Variants in EYS observed in about 807,000 individuals in gnomAD.
The protein encoded by EYS is EGF-like photoreceptor maintenance factor, also known as protein eyes shut homolog.
Under a neutral mutation model 282.1 loss-of-function variants are expected in EYS, and 250 were observed. That is an observed-to-expected ratio of 0.89 (90% CI 0.80 to 0.98). EYS has a LOEUF of 0.98. Ranked by LOEUF, EYS falls within the 50% of genes least tolerant of loss-of-function variation. The pLI, the probability that EYS is intolerant of heterozygous loss-of-function variation, is 0.00. For missense variants in EYS, 4,016 were observed against 3,709.0 expected (o/e 1.08, Z -2.15); for synonymous variants, 1,355 against 1,282.9 (o/e 1.06, Z -1.20).
intron 1 of EYS, among the ~76,000 whole-genome samples, chr6:65,669,234 G>A (rs1768300030): frequency 6.6e-6 from 1 of 151,958 alleles, no homozygotes; most frequent in Non-Finnish European, 1.5e-5. Flanking sequence ...ATGAATGTGT[G>A]TGTGGACTCA....
chr6:64,381,189 C>A (rs1472732389), intron 29 of EYS, among the ~76,000 whole-genome samples: 2 of 152,026 alleles, frequency 1.3e-5, no homozygotes, highest in African/African-American at 4.8e-5. Context: ...GTTCTTTATA[C>A]TAACGGTTCT....
intron 28 of EYS, among the ~76,000 whole-genome samples, chr6:64,421,043 C>A (rs538680591): frequency 6.6e-6 from 1 of 152,248 alleles, no homozygotes; most frequent in East Asian, 1.9e-4. Flanking sequence ...TCTGTGGTAC[C>A]AATATACTGT....
chr6:64,710,253 T>C lies in EYS; in HGVS notation c.3444-84008A>G, dbSNP rs567225646. Among the ~76,000 whole-genome samples, 11 of 152,354 alleles carry C rather than the reference T, an allele frequency of 7.2e-5. No individual in the cohort carries two copies. The East Asian group carries it at 1.5e-3, about 21-fold the overall frequency. Reference sequence around the variant, plus strand: ...AATCCATGTCTTCTCATTATGTAGATGGTTTTCCACATGGCATTTCATAGC... The same window carrying C: ...AATCCATGTCTTCTCATTATGTAGACGGTTTTCCACATGGCATTTCATAGC... On this transcript the variant is annotated intron_variant, in intron 22 of 42. Coordinates refer to ENST00000503581, the MANE Select transcript of EYS (RefSeq NM_001142800.2).
At chr6:65,037,279 T>C (rs1772798632) in intron 13 of EYS, among the ~76,000 whole-genome samples, 1 of 151,492 alleles carries the variant, frequency 6.6e-6, no homozygotes, top group Non-Finnish European at 1.5e-5. Flanking sequence ...CAGATGCAAA[T>C]AAGAGAACAT....
At chr6:64,431,478 C>G (rs971310151) in intron 28 of EYS, among the ~76,000 whole-genome samples, 14 of 152,106 alleles carry the variant, frequency 9.2e-5, no homozygotes, top group Non-Finnish European at 1.8e-4. Flanking sequence ...TTAATCCACA[C>G]AGGTAAATCT....
chr6:65,177,567 G>A (rs1425829650), intron 12 of EYS, among the ~76,000 whole-genome samples: 1 of 151,586 alleles, frequency 6.6e-6, no homozygotes, highest in Admixed American at 6.6e-5. Flanking sequence ...TAGCAAGTTT[G>A]TTCTCTTTCC....
At chr6:65,514,735 A>G (rs868698422) in intron 2 of EYS, among the ~76,000 whole-genome samples, 1 of 152,234 alleles carries the variant, frequency 6.6e-6, no homozygotes, top group African/African-American at 2.4e-5. Context: ...CTGGCTAGCC[A>G]TATGTACAAA....
intron 14 of EYS, 32 bp downstream of exon 14, chr6:64,997,550 T>C: frequency 6.5e-7 from 1 of 1,545,298 alleles, no homozygotes; most frequent in Non-Finnish European, 8.8e-7. Flanking sequence ...TTAGTCCACA[T>C]TTAGGTATAT....
rs1414602411 is a variant in EYS at position 64,590,729 on chromosome 6, G to C, written c.5138C>G (p.Pro1713Arg). 3 of 1,550,876 alleles carry C rather than the reference G, an allele frequency of 1.9e-6. No homozygotes were observed. The highest frequency in any genetic ancestry group is 2.6e-6 in the Non-Finnish European group (3 of 1,146,460). Residue 1713 changes from proline to arginine, a missense_variant, in exon 26 of 43, where the codon CCC becomes CGC. Transcript: ENST00000503581. ...KIRQYGITMG[P>R]TEVLNQESLL... ...GCTCTCTTGATTTAGTACCTCAGTG[G>C]GTCCCATAGTTATGCCATATTGTCT...
At chr6:65,381,055 T>A (rs1033774908) in intron 8 of EYS, among the ~76,000 whole-genome samples, 2 of 152,096 alleles carry the variant, frequency 1.3e-5, no homozygotes, top group African/African-American at 4.8e-5. Context: ...GAAGACAGTG[T>A]GGTGATTCCT....
chr6:65,410,684 A>T (rs1377253075), intron 5 of EYS, among the ~76,000 whole-genome samples: 1 of 150,664 alleles, frequency 6.6e-6, no homozygotes, highest in Non-Finnish European at 1.5e-5. Context: ...GCCTATTTCA[A>T]TTAACATGAT....
intron 29 of EYS, among the ~76,000 whole-genome samples, chr6:64,347,980 T>G (rs1771475378): frequency 6.6e-6 from 1 of 151,532 alleles, no homozygotes; most frequent in Admixed American, 6.6e-5. Context: ...TACACATTTT[T>G]GTATTAAAGA....
At chr6:65,510,450 C>T (rs1454417226) in intron 2 of EYS, among the ~76,000 whole-genome samples, 2 of 151,994 alleles carry the variant, frequency 1.3e-5, no homozygotes, top group African/African-American at 4.8e-5. Context: ...CAATAGGTCT[C>T]TCAGCAAGGT....
intron 5 of EYS, among the ~76,000 whole-genome samples, chr6:65,428,909 G>T (rs955945461): frequency 6.6e-6 from 1 of 151,970 alleles, no homozygotes; most frequent in African/African-American, 2.4e-5. Context: ...TGAGCCGGGC[G>T]TGGTGGCTCA....
chr6:63,951,581 C>A (rs538361867), intron 35 of EYS, among the ~76,000 whole-genome samples: 14 of 152,038 alleles, frequency 9.2e-5, no homozygotes, highest in African/African-American at 3.4e-4. Context: ...AGGTCACTCC[C>A]CACCAGGCTG....
rs200415103 is a variant in EYS at position 65,619,632 on chromosome 6, C to A, written c.-333+20146G>T. Among the ~76,000 whole-genome samples the A allele has an allele frequency of 4.5e-3, 678 of 150,376 alleles. 18 individuals are homozygous for A. The highest frequency in any genetic ancestry group is 0.035 in the East Asian group (179 of 5,102). Reference sequence around the variant, plus strand: ...AGAGAGGGCATCCCTGTCTTGTGCCCGTTTTCAAAGGGAATGCTTCCAGTT... The same window carrying A: ...AGAGAGGGCATCCCTGTCTTGTGCCAGTTTTCAAAGGGAATGCTTCCAGTT... On this transcript the variant is annotated intron_variant, in intron 2 of 42. Transcript: ENST00000503581.
intron 36 of EYS, among the ~76,000 whole-genome samples, chr6:63,849,036 C>T (rs1049126792): frequency 2.0e-5 from 3 of 152,184 alleles, no homozygotes; most frequent in Non-Finnish European, 2.9e-5. Context: ...CTTGAGTAGG[C>T]GGTTTTCCCC....
At chr6:64,777,914 TATTA>T (rs1282655755) in intron 22 of EYS, among the ~76,000 whole-genome samples, 3 of 152,146 alleles carry the variant, frequency 2.0e-5, no homozygotes, top group Non-Finnish European at 2.9e-5. Context: ...ATCATAGATA[TATTA>T]ATTAAGAATA....
At chr6:65,305,810 A>T (rs1053968305) in intron 11 of EYS, among the ~76,000 whole-genome samples, 20 of 152,256 alleles carry the variant, frequency 1.3e-4, no homozygotes, top group Non-Finnish European at 1.9e-4. Flanking sequence ...TTTTATTTCT[A>T]ATTCTCCCAA....
Sources: allele counts gnomAD v4.1 joint callset (sites outside exome capture counted in the v4.1 genomes callset), GRCh38; gene constraint gnomAD v4.1.1; transcripts MANE v1.5; gene names NCBI Gene and HGNC (gene_info 2026-07-23, HGNC 2026-07-21).